Variants in ISG20L2 observed in about 807,000 individuals in gnomAD.
The protein encoded by ISG20L2 is interferon stimulated exonuclease gene 20 like 2, also known as interferon-stimulated 20 kDa exonuclease-like 2.
Under a neutral mutation model 27.8 loss-of-function variants are expected in ISG20L2, and 14 were observed. The ratio of observed to expected loss-of-function variants is 0.50; its 90% confidence interval spans 0.33 to 0.79. The LOEUF is 0.79. ISG20L2 is among the 30% of genes least tolerant of loss of function. The pLI, the probability that ISG20L2 is intolerant of heterozygous loss-of-function variation, is 0.02. For missense variants in ISG20L2, 393 were observed against 435.1 expected (o/e 0.90, Z 0.86); for synonymous variants, 157 against 165.7 (o/e 0.95, Z 0.40).
At chr1:156,724,069 TTC>T in intron 3 of ISG20L2, 77 bp downstream of exon 3, 1 of 1,342,738 alleles carries the variant, frequency 7.4e-7, no homozygotes, top group Middle Eastern at 1.8e-4. Context: ...ACCACAGGAC[TTC>T]TGAGATCAGA....
chr1:156,723,194 A>T lies in ISG20L2; in HGVS notation c.*155T>A. On this transcript the variant is annotated 3_prime_UTR_variant, in exon 4 of 4. Transcript: ENST00000368219. Reference sequence around the variant, plus strand: ...GACACAGGACACAACACCTGAGGTGAAATTTCAATGGGTATTAAGTCTGGG... The same window carrying T: ...GACACAGGACACAACACCTGAGGTGTAATTTCAATGGGTATTAAGTCTGGG... 2.2e-6 allele frequency: 2 copies of T among 916,644 alleles called. No individual in the cohort carries two copies. The highest frequency in any genetic ancestry group is 3.3e-6 in the Non-Finnish European group (2 of 604,144). The allele number at this position is 916,644 out of a possible 1,614,324, so 56.8% of individuals were successfully genotyped here.
chr1:156,726,818 T>G, intron 2 of ISG20L2, 88 bp downstream of exon 2: 1 of 1,517,474 alleles, frequency 6.6e-7, no homozygotes, highest in Non-Finnish European at 8.8e-7. Flanking sequence ...AACGTTGGTG[T>G]CTTCCCATAG....
At position 156,726,937 on chromosome 1, in the gene ISG20L2, T is replaced by C. The variant is rs1471480793; in HGVS notation, c.716A>G (p.Asn239Ser). 2.5e-6 allele frequency: 4 copies of C among 1,614,058 alleles called. No homozygotes were observed. Among genetic ancestry groups the C allele is most frequent in the African/African-American group, 1.3e-5 (1 of 74,930 alleles). The part of the protein sequence containing the change: ...WSGIRKQHMV[N>S]ATPFKIARGQ... Reference sequence around the variant, plus strand: ...TCGAGCAATCTTGAAGGGTGTGGCATTCACCATGTGCTGCTTCCGGATACC... The same window carrying C: ...TCGAGCAATCTTGAAGGGTGTGGCACTCACCATGTGCTGCTTCCGGATACC... Residue 239 changes from asparagine to serine, a missense_variant, in exon 2 of 4, where the codon AAT becomes AGT. Asn to Ser is a conservative substitution (Grantham distance 46, BLOSUM62 1). Transcript: ENST00000368219.
chr1:156,727,959 G>GCCCA, intron 1 of ISG20L2, 190 bp from the exon 2 acceptor site: 1 of 1,113,224 alleles, frequency 9.0e-7, no homozygotes, highest in Non-Finnish European at 1.1e-6. Flanking sequence ...TTCTAGTGAA[G>GCCCA]CCCAATTCAC....
chr1:156,725,053 G>A (rs1648692125), intron 2 of ISG20L2: 1 of 152,010 alleles, frequency 6.6e-6, no homozygotes, highest in Non-Finnish European at 1.5e-5. Flanking sequence ...CCGGGTTCAA[G>A]CGTTTCTCCT....
chr1:156,727,381 G>T lies in ISG20L2; in HGVS notation c.272C>A (p.Pro91His). The T allele has an allele frequency of 6.2e-7, 1 of 1,614,150 alleles. No individual in the cohort carries two copies. The highest frequency in any genetic ancestry group is 8.5e-7 in the Non-Finnish European group (1 of 1,180,026). ...TAASSNGSGQ[P>H]LDKKAAVSWL... ...AGACACTGCAGCTTTCTTGTCCAGG[G>T]GCTGTCCTGACCCATTGCTGGAAGC... Residue 91 changes from proline (P) to histidine (H), a missense_variant, in exon 2 of 4, where the codon CCC becomes CAC. Coordinates refer to ENST00000368219, the MANE Select transcript of ISG20L2 (RefSeq NM_001370150.2).
intron 1 of ISG20L2, 78 bp from the exon 2 acceptor site, chr1:156,727,847 T>C: frequency 7.2e-7 from 1 of 1,385,066 alleles, no homozygotes; most frequent in South Asian, 1.8e-5. Flanking sequence ...TCCGTAGGAC[T>C]TATGGAAGGA....
In ISG20L2 at chr1:156,726,815, G is replaced by A. The variant is rs1271746319; in HGVS notation, c.747+91C>T. On this transcript the variant is annotated intron_variant, in intron 2 of 3. Transcript: ENST00000368219. The stretch of plus-strand genomic sequence containing the variant: ...CTCCTCCCTCCCTCCACAAACGTTG[G>A]TGTCTTCCCATAGTGATATCCTTTG... The A allele has an allele frequency of 6.6e-6, 10 of 1,513,560 alleles. No individual in the cohort carries two copies. The African/African-American group carries it at 8.3e-5, about 13-fold the overall frequency. 93.8% of individuals were successfully genotyped at this position (1,513,560 alleles called of 1,614,324 possible).
chr1:156,727,016 C>T lies in ISG20L2; in HGVS notation c.637G>A (p.Asp213Asn). 2 of 1,614,220 alleles carry T rather than the reference C, an allele frequency of 1.2e-6. No individual in the cohort carries two copies. The highest frequency in any genetic ancestry group is 1.7e-6 in the Non-Finnish European group (2 of 1,180,040). Residue 213 changes from aspartate to asparagine, a missense_variant, in exon 2 of 4, where the codon GAC becomes AAC. Around this residue, in one of 3 missense-constraint regions of ISG20L2, gnomAD observed 171 missense variants for 195.3 expected, o/e 0.88. Coordinates refer to ENST00000368219, the MANE Select transcript of ISG20L2 (RefSeq NM_001370150.2). ...IVNYNGDVLY[D>N]EYILPPCHIV... is the part of the protein sequence containing the mutation. ...TGGCAGGGGGGAAGAATGTACTCGT[C>T]ATAAAGCACATCTCCGTTGTAGTTG... is the stretch of plus-strand genomic sequence containing the variant.
In ISG20L2 at chr1:156,728,543, C is replaced by A. The variant is rs1016648845; in HGVS notation, c.-246G>T. 15 of 985,550 alleles carry A rather than the reference C, an allele frequency of 1.5e-5. No homozygotes were observed. The highest frequency in any genetic ancestry group is 1.8e-5 in the Non-Finnish European group (15 of 829,934). The allele number at this position is 985,550 out of a possible 1,614,324, so 61.1% of individuals were successfully genotyped here. ...CCAGAGGTCGGCGCGCGCACACCCG[C>A]ACCGCCCCGACCCCAGGTAGTGAGG... On this transcript the variant is annotated 5_prime_UTR_variant, in exon 1 of 4. Coordinates refer to ENST00000368219, the MANE Select transcript of ISG20L2 (RefSeq NM_001370150.2).
chr1:156,721,898 T>C lies in ISG20L2; in HGVS notation c.*1451A>G, dbSNP rs1648557341. ...AGAAGAAACTGTACATAATTGCTTT[T>C]CCATTATAAAAATTTATCAAGGGAA... On this transcript the variant is annotated 3_prime_UTR_variant, in exon 4 of 4. Coordinates refer to ENST00000368219, the MANE Select transcript of ISG20L2 (RefSeq NM_001370150.2). The C allele has an allele frequency of 6.6e-6, 1 of 152,210 alleles. No homozygotes were observed. The highest frequency in any genetic ancestry group is 1.5e-5 in the Non-Finnish European group (1 of 68,044). The allele number at this position is 152,210 out of a possible 1,614,324, so 9.4% of individuals were successfully genotyped here.
rs1482210155 is a variant in ISG20L2, at chr1:156,728,526, C to G, written c.-229G>C. ...GCGCGGGTTAGAACGCGCCAGAGGT[C>G]GGCGCGCGCACACCCGCACCGCCCC... On this transcript the variant is annotated 5_prime_UTR_variant, in exon 1 of 4. Transcript: ENST00000368219. 1 of 984,724 alleles carries G rather than the reference C, an allele frequency of 1.0e-6. No individual in the cohort carries two copies. The highest frequency in any genetic ancestry group is 1.8e-5 in the African/African-American group (1 of 57,136). 61.0% of individuals were successfully genotyped at this position (984,724 alleles called of 1,614,324 possible). A position where few individuals can be genotyped will look rare whatever the true frequency, so the allele number is the denominator to read the frequency against.
intron 3 of ISG20L2, 153 bp from the exon 4 acceptor site, chr1:156,723,615 T>C: frequency 1.0e-6 from 1 of 985,436 alleles, no homozygotes; most frequent in South Asian, 4.7e-5. Flanking sequence ...GGGGTCCTAC[T>C]CCTTATGTAA....
rs528983739 is a variant in ISG20L2, at chr1:156,726,655, A to G, written c.747+251T>C. On this transcript the variant is annotated intron_variant, in intron 2 of 3. Transcript: ENST00000368219. The stretch of plus-strand genomic sequence containing the variant: ...CGCCTCAGCCTCCCAAAGTGCTGGG[A>G]TTATAGGCAAGTGCCACTGCGCCCG... 370 of 980,660 alleles carry G rather than the reference A, an allele frequency of 3.8e-4. No individual in the cohort carries two copies. The African/African-American group carries it at 6.1e-3, about 16-fold the overall frequency. 60.7% of individuals were successfully genotyped at this position (980,660 alleles called of 1,614,324 possible). A position where few individuals can be genotyped will look rare whatever the true frequency, so the allele number is the denominator to read the frequency against.
chr1:156,727,722 T>C lies in ISG20L2; in HGVS notation c.-70A>G. On this transcript the variant is annotated 5_prime_UTR_variant, in exon 2 of 4. An upstream start codon of the reference 5' UTR is lost. Transcript: ENST00000368219. ...GGATGAAAAGAGGATGTGGGACTCA[T>C]TCTCTGCTGAATCCTACTGTCCAAC... is the stretch of plus-strand genomic sequence containing the variant. The C allele has an allele frequency of 6.5e-7, 1 of 1,546,394 alleles. No individual in the cohort carries two copies. Among genetic ancestry groups the C allele is most frequent in the Non-Finnish European group, 8.7e-7 (1 of 1,154,750 alleles).
chr1:156,727,108 A>G lies in ISG20L2; in HGVS notation c.545T>C (p.Ile182Thr). 3.7e-6 allele frequency: 6 copies of G among 1,614,152 alleles called. No individual in the cohort carries two copies. Among genetic ancestry groups the G allele is most frequent in the Non-Finnish European group, 4.2e-6 (5 of 1,180,020 alleles). Reference protein sequence around the residue: ...SQKLPRKMVAIDCEMVGTGPK... With the variant: ...SQKLPRKMVATDCEMVGTGPK... ...TCCTGTGCCCACCATCTCACAGTCA[A>G]TTGCCACCATCTTCCGTGGCAACTT... Residue 182 changes from isoleucine to threonine, a missense_variant, in exon 2 of 4, where the codon ATT (isoleucine) becomes ACT (threonine). Ile to Thr is a moderately conservative substitution (Grantham distance 89). Around this residue, in one of 3 missense-constraint regions of ISG20L2, gnomAD observed 39 missense variants for 71.6 expected, o/e 0.54. Coordinates refer to ENST00000368219, the MANE Select transcript of ISG20L2 (RefSeq NM_001370150.2).
At chr1:156,725,957 A>C in intron 2 of ISG20L2, 1 of 985,502 alleles carries the variant, frequency 1.0e-6, no homozygotes, top group Non-Finnish European at 1.2e-6. Flanking sequence ...AAAGACGTGG[A>C]CCAAGGGCGC....
rs1315694576 is a variant in ISG20L2, at chr1:156,727,615, G to A, written c.38C>T (p.Pro13Leu). The A allele has an allele frequency of 6.2e-7, 1 of 1,613,778 alleles. No homozygotes were observed. Among genetic ancestry groups the A allele is most frequent in the Admixed American group, 1.7e-5 (1 of 59,942 alleles). ...TLLLNLDFGEPPPKKALEGNA... is the reference protein window; with the variant it reads ...TLLLNLDFGELPPKKALEGNA... ...TCCTTCTAATGCCTTTTTGGGAGGA[G>A]GTTCCCCAAAATCCAGATTGAGCAG... is the stretch of plus-strand genomic sequence containing the variant. The change falls in exon 2 of 4, where the codon CCT becomes CTT. Residue 13 changes from proline (P) to leucine (L), a missense_variant. Physicochemically the swap from Pro to Leu is moderately conservative, Grantham distance 98 (BLOSUM62 -3). Transcript: ENST00000368219.
intron 2 of ISG20L2, chr1:156,725,913 G>C: frequency 1.0e-6 from 1 of 985,512 alleles, no homozygotes; most frequent in Non-Finnish European, 1.2e-6. Flanking sequence ...GGAACAGCGT[G>C]TCCAGAGAGG....
Sources: allele counts gnomAD v4.1 joint callset, GRCh38; gene constraint gnomAD v4.1.1; regional missense constraint gnomAD v4.1.1; transcripts MANE v1.5; gene names NCBI Gene and HGNC (gene_info 2026-07-23, HGNC 2026-07-21).